The following CX3CL1 variants were observed in gnomAD, a reference collection of about 807,000 sequenced individuals.
The protein encoded by CX3CL1 is C-X3-C motif chemokine ligand 1.
CX3CL1 carries 1 observed loss-of-function variant against 14.1 expected under a neutral mutation model. That is an observed-to-expected ratio of 0.07 (90% CI 0.03 to 0.34). CX3CL1 has a LOEUF of 0.34. Ranked by LOEUF, CX3CL1 falls within the 10% of genes least tolerant of loss-of-function variation. The pLI, the probability that CX3CL1 is intolerant of heterozygous loss-of-function variation, is 0.99. For missense variants in CX3CL1, 505 were observed against 536.4 expected (o/e 0.94, Z 0.58); for synonymous variants, 255 against 229.6 (o/e 1.11, Z -1.00).
chr16:57,382,682 A>G lies in CX3CL1; in HGVS notation c.844A>G (p.Ser282Gly). Residue 282 changes from serine (S) to glycine (G), a missense_variant, in exon 3 of 3, where the codon AGC (serine) becomes GGC (glycine). Coordinates refer to ENST00000006053, the MANE Select transcript of CX3CL1 (RefSeq NM_002996.6). The surrounding 1 kb of genome is among the most constrained non-coding windows in gnomAD (Gnocchi z 6.9). ...TDAFQDWGPGSMAHVSVVPVS... is the reference protein window; with the variant it reads ...TDAFQDWGPGGMAHVSVVPVS... ...TGCCTTCCAGGACTGGGGGCCTGGC[A>G]GCATGGCCCACGTCTCTGTGGTCCC... is the stretch of plus-strand genomic sequence containing the variant. 1.9e-6 allele frequency: 3 copies of G among 1,612,346 alleles called. No individual in the cohort carries two copies. Among genetic ancestry groups the G allele is most frequent in the South Asian group, 1.1e-5 (1 of 90,938 alleles).
At chr16:57,377,908 GGAAGA>G (rs1902266359) in intron 1 of CX3CL1, 1 of 152,120 alleles carries the variant, frequency 6.6e-6, no homozygotes. Flanking sequence ...AGATTATAGA[GGAAGA>G]GAAAAGGTGG....
intron 1 of CX3CL1, among the ~76,000 whole-genome samples, chr16:57,376,710 ATGGGTAGAAGAT>A (rs1902252368): frequency 6.6e-6 from 1 of 151,954 alleles, no homozygotes; most frequent in Non-Finnish European, 1.5e-5. Context: ...TGGGCGAGGA[ATGGGTAGAAGAT>A]TGATAAGAGT....
In CX3CL1 at chr16:57,379,621, T is replaced by C. The variant is rs375410773; in HGVS notation, c.71-13T>C. 27 of 1,614,056 alleles carry C rather than the reference T, an allele frequency of 1.7e-5. No homozygotes were observed. The highest frequency in any genetic ancestry group is 5.5e-5 in the South Asian group (5 of 91,078). On this transcript the variant is annotated splice_polypyrimidine_tract_variant and intron_variant, in intron 1 of 2. Transcript: ENST00000006053. ...CAGACATCCCTGCTGACCAGGAACC[T>C]CTTTGAACTCAGGACAGCACCACGG...
chr16:57,375,388 T>C (rs1319183784), intron 1 of CX3CL1, among the ~76,000 whole-genome samples: 2 of 152,100 alleles, frequency 1.3e-5, no homozygotes, highest in Non-Finnish European at 2.9e-5. Context: ...TATCCCAATG[T>C]TTTTGGTTCA....
intron 1 of CX3CL1, among the ~76,000 whole-genome samples, 178 bp downstream of exon 1, chr16:57,372,816 C>T (rs748216983): frequency 5.3e-5 from 8 of 152,214 alleles, no homozygotes; most frequent in Admixed American, 1.3e-4. Flanking sequence ...CCAGATGCAG[C>T]GCTGGACAGA....
At chr16:57,373,767 G>A (rs148508594) in intron 1 of CX3CL1, among the ~76,000 whole-genome samples, 9 of 152,284 alleles carry the variant, frequency 5.9e-5, no homozygotes, top group Non-Finnish European at 1.2e-4. Flanking sequence ...GTCAGATGGC[G>A]GCTGCTTTGC....
At chr16:57,373,896 C>G (rs945410832) in intron 1 of CX3CL1, among the ~76,000 whole-genome samples, 2 of 151,940 alleles carry the variant, frequency 1.3e-5, no homozygotes, top group African/African-American at 4.8e-5. Flanking sequence ...GGTTCCAATG[C>G]CTATGGAGGT....
rs1031964714 is a variant in CX3CL1, at chr16:57,383,662, C to G, written c.*630C>G. The G allele has an allele frequency of 7.9e-5, 12 of 152,864 alleles. No homozygotes were observed. Among genetic ancestry groups the G allele is most frequent in the Non-Finnish European group, 2.9e-5 (2 of 68,210 alleles). 9.5% of individuals were successfully genotyped at this position (152,864 alleles called of 1,614,324 possible). ...GATAAGGGTATCTGGTGACTTTCCTCTTTGGTCTACACTGTGCTGAGTCTG... is the reference window on the plus strand; with the variant it reads ...GATAAGGGTATCTGGTGACTTTCCTGTTTGGTCTACACTGTGCTGAGTCTG... On this transcript the variant is annotated 3_prime_UTR_variant, in exon 3 of 3. Transcript: ENST00000006053.
intron 2 of CX3CL1, 114 bp from the exon 3 acceptor site, chr16:57,381,916 G>C: frequency 8.4e-7 from 1 of 1,192,182 alleles, no homozygotes; most frequent in Middle Eastern, 3.0e-4. Context: ...GGGAGGACAG[G>C]GTTTCCAGCC....
At position 57,372,622 on chromosome 16, in the gene CX3CL1, G is replaced by T. The variant is rs748737416; in HGVS notation, c.54G>T (p.Leu18=). The change falls in exon 1 of 3, where the codon CTG becomes CTT. Residue 18 remains leucine, a synonymous_variant. Transcript: ENST00000006053. ...WLLRLATFCH[L]TVLLAGQHHG... Reference sequence around the variant, plus strand: ...TCCGCTTGGCCACCTTCTGCCATCTGACTGTCCTGCTGGCTGGTAAGTGGG... The same window carrying T: ...TCCGCTTGGCCACCTTCTGCCATCTTACTGTCCTGCTGGCTGGTAAGTGGG... 1.2e-6 allele frequency: 2 copies of T among 1,613,528 alleles called. No homozygotes were observed. Among genetic ancestry groups the T allele is most frequent in the Non-Finnish European group, 1.7e-6 (2 of 1,179,974 alleles).
In CX3CL1 at chr16:57,383,918, G is replaced by A. The variant is rs41533845; in HGVS notation, c.*886G>A. The A allele has an allele frequency of 6.6e-6, 1 of 152,566 alleles. No homozygotes were observed. Among genetic ancestry groups the A allele is most frequent in the South Asian group, 2.1e-4 (1 of 4,830 alleles). 9.5% of individuals were successfully genotyped at this position (152,566 alleles called of 1,614,324 possible). On this transcript the variant is annotated 3_prime_UTR_variant, in exon 3 of 3. Coordinates refer to ENST00000006053, the MANE Select transcript of CX3CL1 (RefSeq NM_002996.6). ...ACCCTGAGGCCCAGAGGGCCTGCAA[G>A]GGAGTGAGTTGATAGCACAGACCCT...
rs62037084 is a variant in CX3CL1, at chr16:57,379,748, C to T, written c.185C>T (p.Ala62Val). Residue 62 changes from alanine to valine, a missense_variant, in exon 2 of 3, where the codon GCA (alanine) becomes GTA (valine). Transcript: ENST00000006053. ...QQNQASCGKR[A>V]IILETRQHRL... ...AACCAGGCATCATGCGGCAAACGCG[C>T]AATCATGTAGGTACTGCCCTCGAGG... 6.0e-3 allele frequency: 9,698 copies of T among 1,614,242 alleles called. 46 individuals are homozygous for T. The highest frequency in any genetic ancestry group is 7.3e-3 in the Non-Finnish European group (8,592 of 1,180,032).
intron 1 of CX3CL1, chr16:57,378,668 T>G (rs1302686280): frequency 6.6e-6 from 1 of 152,038 alleles, no homozygotes; most frequent in African/African-American, 2.4e-5. Flanking sequence ...TTCACCATAT[T>G]GATCAGGCTG....
rs1902380098 is a variant in CX3CL1 at position 57,384,203 on chromosome 16, AG to A, written c.*1173del. 6.6e-6 allele frequency: 1 copy of A among 152,464 alleles called. No individual in the cohort carries two copies. Among genetic ancestry groups the A allele is most frequent in the Admixed American group, 6.5e-5 (1 of 15,284 alleles). 9.4% of individuals were successfully genotyped at this position (152,464 alleles called of 1,614,324 possible). A position where few individuals can be genotyped will look rare whatever the true frequency, so the allele number is the denominator to read the frequency against. On this transcript the variant is annotated 3_prime_UTR_variant, in exon 3 of 3. Coordinates refer to ENST00000006053, the MANE Select transcript of CX3CL1 (RefSeq NM_002996.6). ...CCCACACACGCCAGATTCTTTCCTG[AG>A]GCTGGGCTCCCTTCCCACCTCTCTC...
intron 1 of CX3CL1, 99 bp downstream of exon 1, chr16:57,372,737 T>A: frequency 8.0e-7 from 1 of 1,248,532 alleles, no homozygotes; most frequent in Non-Finnish European, 1.1e-6. Flanking sequence ...CCTGCCTGGG[T>A]AAAGCTCAAG....
intron 2 of CX3CL1, among the ~76,000 whole-genome samples, chr16:57,380,597 T>A (rs553479848): frequency 5.7e-4 from 87 of 152,194 alleles, no homozygotes; most frequent in African/African-American, 2.1e-3. Flanking sequence ...ATAAAGTGCC[T>A]GGCAGGGTGC....
At chr16:57,372,662 C>T (rs759512489) in intron 1 of CX3CL1, 24 bp downstream of exon 1, 1 of 1,612,302 alleles carries the variant, frequency 6.2e-7, no homozygotes, top group Non-Finnish European at 8.5e-7. Context: ...GACTTGGGCA[C>T]AAACAGGGTA....
In CX3CL1 at chr16:57,382,803, A is replaced by T; in HGVS notation, c.965A>T (p.Gln322Leu). 6.2e-7 allele frequency: 1 copy of T among 1,603,010 alleles called. No homozygotes were observed. Residue 322 changes from glutamine (Q) to leucine (L), a missense_variant, in exon 3 of 3, where the codon CAG becomes CTG. Transcript: ENST00000006053. The surrounding 1 kb of genome is among the most constrained non-coding windows in gnomAD (Gnocchi z 6.9). ...EEPIHATMDPQRLGVLITPVP... is the reference protein window; with the variant it reads ...EEPIHATMDPLRLGVLITPVP... ...CCCATCCATGCCACCATGGACCCCCAGAGGCTGGGCGTCCTTATCACTCCT... is the reference window on the plus strand; with the variant it reads ...CCCATCCATGCCACCATGGACCCCCTGAGGCTGGGCGTCCTTATCACTCCT...
chr16:57,382,160 G>A lies in CX3CL1; in HGVS notation c.322G>A (p.Gly108Ser), dbSNP rs200051975. Residue 108 changes from glycine to serine, a missense_variant, in exon 3 of 3, where the codon GGC (glycine) becomes AGC (serine). Coordinates refer to ENST00000006053, the MANE Select transcript of CX3CL1 (RefSeq NM_002996.6). The surrounding 1 kb of genome is among the most constrained non-coding windows in gnomAD (Gnocchi z 6.9). ...TGGCGGCACCTTCGAGAAGCAGATC[G>A]GCGAGGTGAAGCCCAGGACCACCCC... ...RNGGTFEKQI[G>S]EVKPRTTPAA... is the part of the protein sequence containing the mutation. 3.2e-5 allele frequency: 51 copies of A among 1,613,712 alleles called. No individual in the cohort carries two copies. Among genetic ancestry groups the A allele is most frequent in the Admixed American group, 5.0e-5 (3 of 60,000 alleles).
Sources: gnomAD v4.1 joint callset for allele counts (sites outside exome capture counted in the v4.1 genomes callset) on GRCh38, gnomAD v4.1.1 for gene constraint, Gnocchi (gnomAD v3.1) non-coding constraint, MANE v1.5 for transcripts, NCBI Gene and HGNC (gene_info 2026-07-23, HGNC 2026-07-21) for gene names.